The following PRIM2 variants were observed in gnomAD, a reference collection of about 807,000 sequenced individuals.
PRIM2 encodes DNA primase large subunit.
Under a neutral mutation model 67.3 loss-of-function variants are expected in PRIM2, and 39 were observed. The ratio of observed to expected loss-of-function variants is 0.58; its 90% CI spans 0.45 to 0.76. The LOEUF is 0.76. Ranked by LOEUF, PRIM2 falls within the 30% of genes least tolerant of loss-of-function variation. The probability of loss-of-function intolerance (pLI) is 0.00; values close to 1 mark genes in which losing one functional copy is unlikely to be tolerated. For missense variants in PRIM2, 398 were observed against 598.7 expected, an observed-to-expected ratio of 0.66 and a Z score of 3.50; for synonymous variants, 143 against 198.7, an observed-to-expected ratio of 0.72 and a Z score of 2.36.
chr6:57,442,394 T>A (rs1772228971), intron 7 of PRIM2, among the ~76,000 whole-genome samples: 1 of 151,912 alleles, frequency 6.6e-6, no homozygotes, highest in Admixed American at 6.6e-5. Context: ...ATTCAATGAA[T>A]AATTAATAGG....
intron 7 of PRIM2, among the ~76,000 whole-genome samples, chr6:57,472,628 T>C (rs1419168612): frequency 3.3e-5 from 5 of 152,142 alleles, no homozygotes. Context: ...TGTGGGGCAA[T>C]TTTACCTAAT....
At chr6:57,520,031 A>G (rs1774579011) in intron 8 of PRIM2, among the ~76,000 whole-genome samples, 1 of 152,152 alleles carries the variant, frequency 6.6e-6, no homozygotes, top group Non-Finnish European at 1.5e-5. Flanking sequence ...CTTTTGATCT[A>G]TGAAATGAAA....
At chr6:57,292,517 A>C in the PRIM2 span, among the ~76,000 whole-genome samples, 1 of 152,218 alleles carries the variant, frequency 6.6e-6, no homozygotes, top group Non-Finnish European at 1.5e-5. Flanking sequence ...ATTTGGAATC[A>C]AAAAAGAGCC....
At chr6:57,241,874 A>G in the PRIM2 span, among the ~76,000 whole-genome samples, 3,358 of 152,022 alleles carry the variant, frequency 0.022, 50 homozygotes, top group Middle Eastern at 0.041. Flanking sequence ...GGGTTTCACC[A>G]TGTTAGCCAG....
chr6:57,496,005 C>T (rs1773996672), intron 7 of PRIM2, among the ~76,000 whole-genome samples: 1 of 152,190 alleles, frequency 6.6e-6, no homozygotes, highest in Admixed American at 6.5e-5. Flanking sequence ...CTGGGCCTCC[C>T]TAAGTGCTGG....
At position 57,507,444 on chromosome 6, in the gene PRIM2, A is replaced by C. The variant is rs1422107228; in HGVS notation, c.751A>C (p.Asn251His). 6.5e-7 allele frequency: 1 copy of C among 1,539,970 alleles called. No homozygotes were observed. The highest frequency in any genetic ancestry group is 8.8e-7 in the Non-Finnish European group (1 of 1,136,954). Residue 251 changes from asparagine (N) to histidine (H), a missense_variant, in exon 8 of 14, where the codon AAT (asparagine) becomes CAT (histidine). Asn to His is a moderately conservative substitution (Grantham distance 68). Transcript: ENST00000615550. ...TGATGAAAGACTTCAGCCTCTGCTC[A>C]ATCACCTCAGGTAATATAAGGGCAC... ...QSDERLQPLL[N>H]HLSHSYTGQD... is the part of the protein sequence containing the mutation.
the PRIM2 span, among the ~76,000 whole-genome samples, chr6:57,254,939 T>C: frequency 6.6e-6 from 1 of 152,210 alleles, no homozygotes; most frequent in African/African-American, 2.4e-5. Context: ...AGAAGGTATA[T>C]AAGCTCTGGA....
the PRIM2 span, among the ~76,000 whole-genome samples, chr6:57,279,073 T>G: frequency 6.6e-6 from 1 of 152,230 alleles, no homozygotes; most frequent in Non-Finnish European, 1.5e-5. Context: ...CTGCTTATAG[T>G]GTTCATTCTC....
At chr6:57,264,594 CTTT>C in the PRIM2 span, among the ~76,000 whole-genome samples, 6 of 106,990 alleles carry the variant, frequency 5.6e-5, no homozygotes, top group Admixed American at 1.0e-4. Context: ...AAGTCAAACG[CTTT>C]TTTTTTTTTT....
At chr6:57,499,028 T>C (rs1774070882) in intron 7 of PRIM2, among the ~76,000 whole-genome samples, 1 of 152,162 alleles carries the variant, frequency 6.6e-6, no homozygotes, top group Non-Finnish European at 1.5e-5. Context: ...GAATATCCTT[T>C]AGGGGGTTTT....
Position 57,501,482 on chromosome 6 carries a change from T to C in PRIM2, c.694-5905T>C, listed in dbSNP as rs1554346875. Among the ~76,000 whole-genome samples the C allele has an allele frequency of 3.3e-5, 5 of 152,154 alleles. No homozygotes were observed. The East Asian group carries it at 5.8e-4, about 18-fold the overall frequency. On this transcript the variant is annotated intron_variant, in intron 7 of 13. Transcript: ENST00000615550. The stretch of plus-strand genomic sequence containing the variant: ...GCCGAGCTAGTTTTTGTATTTTTAG[T>C]AGAGACGGGATTTCACCATGTTGTC...
At chr6:57,552,721 T>C (rs1775428272) in intron 10 of PRIM2, among the ~76,000 whole-genome samples, 1 of 152,200 alleles carries the variant, frequency 6.6e-6, no homozygotes, top group Admixed American at 6.5e-5. Flanking sequence ...AGACATTTTT[T>C]TTTAGCTCTC....
At chr6:57,309,944 G>C (rs548558534), upstream of PRIM2, among the ~76,000 whole-genome samples, 48 of 152,234 alleles carry the variant, frequency 3.2e-4, no homozygotes, top group African/African-American at 1.1e-3. Flanking sequence ...TTGACAAATG[G>C]GATCTAATTA....
intron 5 of PRIM2, among the ~76,000 whole-genome samples, chr6:57,348,487 A>T (rs969260469): frequency 2.0e-5 from 3 of 152,204 alleles, no homozygotes; most frequent in Non-Finnish European, 2.9e-5. Flanking sequence ...CACAAGAGAG[A>T]TGCCATAGAG....
intron 7 of PRIM2, among the ~76,000 whole-genome samples, chr6:57,494,455 A>G (rs1773962165): frequency 6.6e-6 from 1 of 152,260 alleles, no homozygotes; most frequent in Admixed American, 6.5e-5. Context: ...GAAACAAAGA[A>G]TAAGAAAAAT....
At chr6:57,278,111 C>G in the PRIM2 span, among the ~76,000 whole-genome samples, 1 of 152,006 alleles carries the variant, frequency 6.6e-6, no homozygotes, top group South Asian at 2.1e-4. Context: ...CAGATCACTT[C>G]AAGTTGAGAG....
chr6:57,593,555 G>T (rs1776318653), intron 10 of PRIM2, among the ~76,000 whole-genome samples: 1 of 152,054 alleles, frequency 6.6e-6, no homozygotes, highest in Non-Finnish European at 1.5e-5. Context: ...CATCCGCCTC[G>T]GCCTCCCAAA....
intron 7 of PRIM2, among the ~76,000 whole-genome samples, chr6:57,424,928 A>G (rs1771573092): frequency 1.3e-5 from 2 of 152,222 alleles, no homozygotes. Context: ...ATACTGTTCA[A>G]CTAAAGTAAC....
intron 3 of PRIM2, among the ~76,000 whole-genome samples, chr6:57,321,215 G>A (rs1400584768): frequency 6.6e-6 from 1 of 152,170 alleles, no homozygotes; most frequent in Admixed American, 6.5e-5. Flanking sequence ...AATGGAGAGA[G>A]AAGAGTTATA....
Sources: allele counts gnomAD v4.1 joint callset (sites outside exome capture counted in the v4.1 genomes callset), GRCh38; gene constraint gnomAD v4.1.1; transcripts MANE v1.5; gene names NCBI Gene and HGNC (gene_info 2026-07-23, HGNC 2026-07-21).